The following SLC38A4 variants were observed in gnomAD, a reference collection of about 807,000 sequenced individuals.
The protein encoded by SLC38A4 is sodium-coupled neutral amino acid transporter 4.
In SLC38A4, 20 loss-of-function variants were observed where a neutral mutation model predicts 63.1. The observed-to-expected ratio is 0.32, with a 90% confidence interval of 0.22 to 0.46. The LOEUF (loss-of-function observed/expected upper bound fraction) is 0.46, where lower values mean the gene tolerates loss of function less well. Among genes scored for constraint, SLC38A4 ranks in the 20% least tolerant of loss-of-function variants. The pLI, the probability that SLC38A4 is intolerant of heterozygous loss-of-function variation, is 1.00. For synonymous variants in SLC38A4, 230 were observed against 225.5 expected, an observed-to-expected ratio of 1.02 and a Z score of -0.18; for missense variants, 526 against 663.6, an observed-to-expected ratio of 0.79 and a Z score of 2.28.
At chr12:46,821,013 T>A (rs897623664) in intron 1 of SLC38A4, among the ~76,000 whole-genome samples, 2 of 152,118 alleles carry the variant, frequency 1.3e-5, no homozygotes, top group Non-Finnish European at 2.9e-5. Context: ...GATCCTTTTT[T>A]AAATCATGTT....
chr12:46,806,016 A>G (rs954108618), intron 1 of SLC38A4, among the ~76,000 whole-genome samples: 14 of 151,776 alleles, frequency 9.2e-5, no homozygotes, highest in Admixed American at 2.6e-4. Flanking sequence ...AGGAGTCCCT[A>G]GGGACTGAGG....
intron 1 of SLC38A4, among the ~76,000 whole-genome samples, chr12:46,807,621 A>G (rs1354080204): frequency 2.0e-5 from 3 of 152,000 alleles, no homozygotes; most frequent in Non-Finnish European, 4.4e-5. Flanking sequence ...TTCTCTTTTA[A>G]TATAGATACT....
chr12:46,769,651 C>T (rs1310091430), intron 14 of SLC38A4, among the ~76,000 whole-genome samples: 1 of 152,006 alleles, frequency 6.6e-6, no homozygotes, highest in Non-Finnish European at 1.5e-5. Context: ...TAAGCATAGT[C>T]ATTTCGGTCA....
chr12:46,826,027 G>GC (rs1172493458), upstream of SLC38A4: 1 of 152,314 alleles, frequency 6.6e-6, no homozygotes, highest in African/African-American at 2.4e-5. Flanking sequence ...TCACTGGAGA[G>GC]CCCCCAGCCA....
intron 2 of SLC38A4, among the ~76,000 whole-genome samples, chr12:46,797,935 T>C (rs1939051023): frequency 6.6e-6 from 1 of 152,156 alleles, no homozygotes; most frequent in Admixed American, 6.6e-5. Context: ...CTATTATAAA[T>C]TTTTCTTTCT....
chr12:46,824,910 T>C (rs1939616832), intron 1 of SLC38A4, among the ~76,000 whole-genome samples: 1 of 152,264 alleles, frequency 6.6e-6, no homozygotes, highest in South Asian at 2.1e-4. Context: ...ATTATTCCAA[T>C]GTCAGCTTCC....
chr12:46,799,689 T>C (rs577560821), intron 2 of SLC38A4, among the ~76,000 whole-genome samples: 1 of 152,196 alleles, frequency 6.6e-6, no homozygotes, highest in Admixed American at 6.5e-5. Flanking sequence ...GAAGATTATA[T>C]CACTGATCTA....
chr12:46,814,032 T>C (rs1172695044), intron 1 of SLC38A4, among the ~76,000 whole-genome samples: 1 of 152,026 alleles, frequency 6.6e-6, no homozygotes, highest in Non-Finnish European at 1.5e-5. Context: ...TTCTCTTTAA[T>C]ACTGGGTCTA....
At chr12:46,830,239 A>C (rs1401641515), upstream of SLC38A4, among the ~76,000 whole-genome samples, 2 of 152,118 alleles carry the variant, frequency 1.3e-5, no homozygotes, top group Non-Finnish European at 2.9e-5. Context: ...ACTTCTACCC[A>C]AAACTTAGAT....
chr12:46,819,492 A>G (rs1027951993), intron 1 of SLC38A4, among the ~76,000 whole-genome samples: 32 of 151,876 alleles, frequency 2.1e-4, no homozygotes, highest in African/African-American at 7.7e-4. Context: ...AAGAAAATAA[A>G]TGTTGGTTAT....
chr12:46,776,908 G>A lies in SLC38A4; in HGVS notation c.1170C>T (p.Phe390=). ...ATGACTTTCAGAGTGACCTACCATA[G>A]AAGGTTAGGTAACCAAAGAGGGCGG... ...LLAALFGYLT[F]YGEVEDELLH... Residue 390 remains phenylalanine (F), a synonymous_variant, in exon 13 of 17, where the codon TTC becomes TTT. Transcript: ENST00000266579. The A allele has an allele frequency of 1.2e-6, 2 of 1,609,388 alleles. No individual in the cohort carries two copies. Among genetic ancestry groups the A allele is most frequent in the South Asian group, 2.2e-5 (2 of 90,970 alleles).
intron 12 of SLC38A4, among the ~76,000 whole-genome samples, chr12:46,777,824 A>G (rs1490607510): frequency 1.3e-5 from 2 of 151,994 alleles, no homozygotes. Context: ...TAAGACAACA[A>G]AGGACAGATA....
chr12:46,819,531 T>C (rs1199443857), intron 1 of SLC38A4, among the ~76,000 whole-genome samples: 1 of 151,954 alleles, frequency 6.6e-6, no homozygotes, highest in African/African-American at 2.4e-5. Context: ...TTTTAGTTAT[T>C]CTTAAAGAGT....
At chr12:46,773,356 G>A (rs141943379) in intron 14 of SLC38A4, among the ~76,000 whole-genome samples, 1 of 152,236 alleles carries the variant, frequency 6.6e-6, no homozygotes, top group East Asian at 1.9e-4. Context: ...TTATGACTCT[G>A]TGGGGCAGTG....
chr12:46,785,272 C>A, intron 5 of SLC38A4, 95 bp from the exon 6 acceptor site: 1 of 990,500 alleles, frequency 1.0e-6, no homozygotes, highest in South Asian at 1.5e-5. Context: ...TTAATCTTTT[C>A]AATCATCAGC....
intron 13 of SLC38A4, among the ~76,000 whole-genome samples, chr12:46,775,773 C>T (rs998823315): frequency 6.6e-6 from 1 of 151,972 alleles, no homozygotes; most frequent in Non-Finnish European, 1.5e-5. Flanking sequence ...GATGGTCTCC[C>T]AGTGGGTACT....
At chr12:46,781,655 A>C (rs1938642029) in intron 7 of SLC38A4, among the ~76,000 whole-genome samples, 1 of 152,060 alleles carries the variant, frequency 6.6e-6, no homozygotes, top group African/African-American at 2.4e-5. Context: ...AAAGTAACCA[A>C]AGTGAGAGCA....
chr12:46,783,396 C>G (rs945054126), intron 7 of SLC38A4, among the ~76,000 whole-genome samples: 8 of 151,838 alleles, frequency 5.3e-5, no homozygotes, highest in Non-Finnish European at 1.5e-5. Context: ...TAAAGGCATG[C>G]TGAAGAATTT....
upstream of SLC38A4, among the ~76,000 whole-genome samples, chr12:46,826,906 T>C (rs1939664337): frequency 6.6e-6 from 1 of 152,266 alleles, no homozygotes. Flanking sequence ...AAAATGTTTA[T>C]TTGAAGAATA....
Sources: gnomAD v4.1 joint callset for allele counts (sites outside exome capture counted in the v4.1 genomes callset) on GRCh38, gnomAD v4.1.1 for gene constraint, MANE v1.5 for transcripts, NCBI Gene and HGNC (gene_info 2026-07-23, HGNC 2026-07-21) for gene names.